The following SFXN4 variants were observed in gnomAD, a reference collection of about 807,000 sequenced individuals.
SFXN4 encodes the protein sideroflexin-4.
SFXN4 carries 48 observed loss-of-function variants against 54.6 expected under a neutral mutation model. That is an observed-to-expected ratio of 0.88 (90% CI 0.70 to 1.12). The LOEUF (loss-of-function observed/expected upper bound fraction) is 1.12, where lower values mean the gene tolerates loss of function less well. SFXN4 is among the 50% of genes most tolerant of loss of function. The probability of loss-of-function intolerance (pLI) is 0.00; values close to 1 mark genes in which losing one functional copy is unlikely to be tolerated. For synonymous variants in SFXN4, 130 were observed against 145.5 expected (o/e 0.89, Z 0.77); for missense variants, 383 against 409.2 (o/e 0.94, Z 0.55).
At chr10:119,142,515 G>A (rs1846573870) in intron 13 of SFXN4, among the ~76,000 whole-genome samples, 2 of 146,046 alleles carry the variant, frequency 1.4e-5, no homozygotes, top group South Asian at 4.4e-4. Flanking sequence ...GCACCTCCAT[G>A]CCCTCCTTGA....
intron 2 of SFXN4, 64 bp from the exon 3 acceptor site, chr10:119,162,478 TAGG>T: frequency 7.2e-7 from 1 of 1,389,242 alleles, no homozygotes. Context: ...TCCCCAGAGG[TAGG>T]AATCACCAGC....
intron 11 of SFXN4, among the ~76,000 whole-genome samples, chr10:119,150,005 C>T (rs777946470): frequency 1.4e-4 from 22 of 152,152 alleles, no homozygotes; most frequent in Admixed American, 3.3e-4. Flanking sequence ...TTGGACCAAC[C>T]GTGCCCTGTT....
In SFXN4 at chr10:119,148,142, A is replaced by G. The variant is rs1226619262; in HGVS notation, c.733-282T>C. 3.9e-5 allele frequency among the ~76,000 whole-genome samples: 6 copies of G among 152,190 alleles called. No homozygotes were observed. The East Asian group carries it at 1.2e-3, about 29-fold the overall frequency. On this transcript the variant is annotated intron_variant, in intron 11 of 13. Transcript: ENST00000355697. ...AGCCAAGATCACGCCACTGCACTCC[A>G]GATTGGGCGACGGAGTGAAACTCTG...
intron 13 of SFXN4, among the ~76,000 whole-genome samples, chr10:119,145,532 G>C (rs1589624179): frequency 6.6e-6 from 1 of 152,082 alleles, no homozygotes; most frequent in East Asian, 1.9e-4. Flanking sequence ...TTGAATTCCT[G>C]ATCTCAAGTT....
intron 3 of SFXN4, 124 bp downstream of exon 3, chr10:119,162,216 G>A: frequency 1.3e-6 from 1 of 745,880 alleles, no homozygotes; most frequent in Non-Finnish European, 2.3e-6. Flanking sequence ...TGGCTCCCAA[G>A]GGAAGGAAAA....
At chr10:119,163,126 T>C (rs1337224535) in intron 2 of SFXN4, among the ~76,000 whole-genome samples, 5 of 152,096 alleles carry the variant, frequency 3.3e-5, no homozygotes, top group African/African-American at 1.2e-4. Flanking sequence ...AAAAAATAAA[T>C]ACAAAAATTA....
At chr10:119,146,463 A>ATGTGTGTGTGTG (rs1564814749) in intron 12 of SFXN4, 110 bp from the exon 13 acceptor site, 2 of 526,480 alleles carry the variant, frequency 3.8e-6, no homozygotes, top group African/African-American at 5.4e-5. Flanking sequence ...GTGTGTGTGC[A>ATGTGTGTGTGTG]CGTGTGTGTG....
Position 119,164,201 on chromosome 10 carries a change from G to A in SFXN4, c.112-5C>T. ...AAGAAATCGTCGAATAAAGGACTTA[G>A]GAGGGAGAAAAGCAACAGAGAGGTT... On this transcript the variant is annotated splice_polypyrimidine_tract_variant and splice_region_variant and intron_variant, in intron 1 of 13. Transcript: ENST00000355697. The A allele has an allele frequency of 1.3e-6, 2 of 1,569,342 alleles. No homozygotes were observed. The highest frequency in any genetic ancestry group is 1.7e-6 in the Non-Finnish European group (2 of 1,149,618).
chr10:119,161,995 C>T (rs543131461), intron 3 of SFXN4: 41 of 345,682 alleles, frequency 1.2e-4, no homozygotes, highest in Non-Finnish European at 1.6e-4. Context: ...TGAATTCTGA[C>T]GTCAGAGCCC....
intron 13 of SFXN4, among the ~76,000 whole-genome samples, chr10:119,141,976 A>C (rs367664984): frequency 7.2e-5 from 11 of 152,134 alleles, no homozygotes; most frequent in Non-Finnish European, 1.6e-4. Context: ...CGAGATCAGG[A>C]GGATTGCTTG....
intron 2 of SFXN4, 66 bp from the exon 3 acceptor site, chr10:119,162,480 G>A: frequency 7.4e-7 from 1 of 1,346,932 alleles, no homozygotes; most frequent in Non-Finnish European, 1.1e-6. Flanking sequence ...CCCAGAGGTA[G>A]GAATCACCAG....
intron 11 of SFXN4, among the ~76,000 whole-genome samples, chr10:119,148,290 G>A (rs1331627698): frequency 1.3e-5 from 2 of 152,110 alleles, no homozygotes; most frequent in East Asian, 1.9e-4. Context: ...GGAGAGAGGC[G>A]GAGGGGACGC....
At chr10:119,164,242 A>C in intron 1 of SFXN4, 46 bp from the exon 2 acceptor site, 1 of 1,187,828 alleles carries the variant, frequency 8.4e-7, no homozygotes, top group South Asian at 1.3e-5. Context: ...CAGCAGAAAA[A>C]TAAAGATATA....
chr10:119,144,505 A>T (rs1382765340), intron 13 of SFXN4, among the ~76,000 whole-genome samples: 1 of 152,162 alleles, frequency 6.6e-6, no homozygotes, highest in Non-Finnish European at 1.5e-5. Flanking sequence ...TGTCTTTGAC[A>T]TCTGCTAGCA....
rs1188374629 is a variant in SFXN4, at chr10:119,160,988, A to C, written c.280-19T>G. The C allele has an allele frequency of 4.8e-5, 78 of 1,614,092 alleles. No homozygotes were observed. The highest frequency in any genetic ancestry group is 6.2e-5 in the Non-Finnish European group (73 of 1,180,046). ...CTGTTGCCTTCAAAAGGAGAGATGC[A>C]AGGTTAGCTGGATGTCTGGTTTTGT... On this transcript the variant is annotated intron_variant, in intron 4 of 13. Transcript: ENST00000355697.
In SFXN4 at chr10:119,163,258, T is replaced by C. The variant is rs532728249; in HGVS notation, c.178-844A>G. ...CTTTTTTTTTTTTTAAAGATGGAGT[T>C]TCACTCTTGTCACCCAGGATGTGAC... On this transcript the variant is annotated intron_variant, in intron 2 of 13. Transcript: ENST00000355697. Among the ~76,000 whole-genome samples the C allele has an allele frequency of 9.9e-5, 15 of 152,224 alleles. No individual in the cohort carries two copies. In the South Asian group the frequency reaches 3.1e-3, roughly 32 times the overall value.
chr10:119,146,428 C>A, intron 12 of SFXN4, 75 bp from the exon 13 acceptor site: 3 of 558,874 alleles, frequency 5.4e-6, no homozygotes, highest in Non-Finnish European at 6.4e-6. Context: ...TGAATCAGGG[C>A]GTGTGTGTGT....
chr10:119,153,009 G>A (rs1847133272), intron 11 of SFXN4, among the ~76,000 whole-genome samples: 1 of 152,086 alleles, frequency 6.6e-6, no homozygotes, highest in Non-Finnish European at 1.5e-5. Context: ...GATCTCACCT[G>A]CTAAAAACAT....
chr10:119,145,418 G>A (rs61874340), intron 13 of SFXN4, among the ~76,000 whole-genome samples: 16,667 of 150,350 alleles, frequency 0.11, 1,324 homozygotes, highest in Non-Finnish European at 0.15. Flanking sequence ...AGGTTCAAGC[G>A]ATTCTCCTGC....
Sources: allele counts gnomAD v4.1 joint callset (sites outside exome capture counted in the v4.1 genomes callset), GRCh38; gene constraint gnomAD v4.1.1; transcripts MANE v1.5; gene names NCBI Gene and HGNC (gene_info 2026-07-23, HGNC 2026-07-21).